Variants in TNRC6B observed in about 807,000 individuals in gnomAD.
The protein encoded by TNRC6B is trinucleotide repeat-containing gene 6B protein.
In TNRC6B, 52 loss-of-function variants were observed where a neutral mutation model predicts 203.6. That is an observed-to-expected ratio of 0.26 (90% confidence interval 0.20 to 0.32). The LOEUF is 0.32. Among genes scored for constraint, TNRC6B ranks in the 10% least tolerant of loss-of-function variants. The probability of loss-of-function intolerance (pLI) is 1.00; values close to 1 mark genes in which losing one functional copy is unlikely to be tolerated. For missense variants in TNRC6B, 1,923 were observed against 2,286.2 expected (o/e 0.84, Z 3.24); for synonymous variants, 838 against 845.7 (o/e 0.99, Z 0.16).
intron 1 of TNRC6B, among the ~76,000 whole-genome samples, chr22:40,071,448 C>A (rs146216984): frequency 1.6e-3 from 244 of 152,328 alleles, no homozygotes; most frequent in African/African-American, 5.6e-3. Context: ...TCTGGACCGA[C>A]TTTTCCTATT....
chr22:40,325,705 T>C lies in TNRC6B; in HGVS notation c.*2464T>C, dbSNP rs1316077236. The C allele has an allele frequency of 6.5e-6, 1 of 152,688 alleles. No individual in the cohort carries two copies. The highest frequency in any genetic ancestry group is 2.4e-5 in the African/African-American group (1 of 41,456). 9.5% of individuals were successfully genotyped at this position (152,688 alleles called of 1,614,324 possible). A position where few individuals can be genotyped will look rare whatever the true frequency, so the allele number is the denominator to read the frequency against. On this transcript the variant is annotated 3_prime_UTR_variant, in exon 23 of 23. Coordinates refer to ENST00000454349, the MANE Select transcript of TNRC6B (RefSeq NM_001162501.2). ...CCACCAGGTGAAGAGCAGCTTGTAT[T>C]CAGACATCTAGAGAAGGTTAAATCT...
chr22:40,281,675 T>A (rs1421706616), intron 11 of TNRC6B, among the ~76,000 whole-genome samples: 1 of 152,246 alleles, frequency 6.6e-6, no homozygotes, highest in Non-Finnish European at 1.5e-5. Flanking sequence ...TTAATAAACC[T>A]GCTAATTTAA....
rs574928968 is a variant in TNRC6B, at chr22:40,193,187, CAA to C, written c.5+15049_5+15050del. ...CATCCTGCTTCTTGTTGTCGCGTGG[CAA>C]AGTCTCCTCAAGGGTTTTTGGGTCT... On this transcript the variant is annotated intron_variant, in intron 1 of 22. Transcript: ENST00000454349. Among the ~76,000 whole-genome samples the C allele has an allele frequency of 2.0e-3, 306 of 152,270 alleles. 1 individual carries two copies. The highest frequency in any genetic ancestry group is 7.2e-3 in the African/African-American group (298 of 41,560).
intron 1 of TNRC6B, among the ~76,000 whole-genome samples, chr22:40,179,176 C>G (rs9619851): frequency 6.6e-6 from 1 of 152,134 alleles, no homozygotes; most frequent in African/African-American, 2.4e-5. Flanking sequence ...TCCATTACTC[C>G]TAATGCAGGA....
chr22:40,134,065 T>A (rs908039883), intron 3 of TNRC6B, among the ~76,000 whole-genome samples: 2 of 149,148 alleles, frequency 1.3e-5, no homozygotes, highest in African/African-American at 4.9e-5. Context: ...GTCTGTTACA[T>A]CACATCAAAA....
At chr22:40,283,199 C>T (rs1569053454) in intron 11 of TNRC6B, among the ~76,000 whole-genome samples, 2 of 152,060 alleles carry the variant, frequency 1.3e-5, no homozygotes, top group African/African-American at 2.4e-5. Context: ...CAACCACGCC[C>T]GGCTAATTTT....
At chr22:40,222,511 T>A (rs2069723633) in intron 1 of TNRC6B, among the ~76,000 whole-genome samples, 1 of 152,188 alleles carries the variant, frequency 6.6e-6, no homozygotes, top group African/African-American at 2.4e-5. Context: ...AGGTGGCCTT[T>A]CTTCTGAACT....
In TNRC6B at chr22:40,048,183, A is replaced by G. The variant is rs75061740; in HGVS notation, c.-121+3185A>G. On this transcript the variant is annotated intron_variant, in intron 1 of 23. Coordinates refer to the TNRC6B transcript ENST00000301923. ...TTCCCTTTCTTCACGTCTTCACTAC[A>G]CAGTCATTCTTTAAACTTTTGCAGC... 3.1e-3 allele frequency among the ~76,000 whole-genome samples: 467 copies of G among 152,238 alleles called. 4 individuals carry two copies. Among genetic ancestry groups the G allele is most frequent in the African/African-American group, 0.011 (451 of 41,536 alleles).
chr22:40,300,818 G>A, intron 13 of TNRC6B, 92 bp from the exon 14 acceptor site: 1 of 1,318,382 alleles, frequency 7.6e-7, no homozygotes, highest in Non-Finnish European at 1.1e-6. Flanking sequence ...TTGATTGTGT[G>A]ACCTGTACTT....
rs562489198 is a variant in TNRC6B at position 40,230,606 on chromosome 22, T to C, written c.6-15409T>C. On this transcript the variant is annotated intron_variant, in intron 1 of 22. Coordinates refer to ENST00000454349, the MANE Select transcript of TNRC6B (RefSeq NM_001162501.2). ...CATGCCCGGCCTCTTTTGCCCGGTT[T>C]TAAGATGGGGTTCTTTATATACTGT... Among the ~76,000 whole-genome samples, 10 of 152,260 alleles carry C rather than the reference T, an allele frequency of 6.6e-5. No homozygotes were observed. The South Asian group carries it at 1.9e-3, about 28-fold the overall frequency.
At chr22:40,100,324 A>C (rs2068227290) in intron 1 of TNRC6B, among the ~76,000 whole-genome samples, 1 of 150,078 alleles carries the variant, frequency 6.7e-6, no homozygotes, top group Non-Finnish European at 1.5e-5. Context: ...TTCTGGCCTC[A>C]AGTGATCCGC....
chr22:40,256,135 A>C (rs955527100), intron 3 of TNRC6B, among the ~76,000 whole-genome samples: 16 of 152,282 alleles, frequency 1.1e-4, no homozygotes, highest in South Asian at 2.1e-4. Flanking sequence ...AACATTGAGA[A>C]GTCTAAGATA....
intron 1 of TNRC6B, among the ~76,000 whole-genome samples, chr22:40,230,775 A>T (rs2069859349): frequency 6.6e-6 from 1 of 152,052 alleles, no homozygotes; most frequent in African/African-American, 2.4e-5. Flanking sequence ...TTCTTTTATG[A>T]ATCATGTTTT....
chr22:40,245,712 G>GTGTGTGTGTGTGTGTGTGTT (rs1601916433), intron 1 of TNRC6B, among the ~76,000 whole-genome samples: 1 of 28,978 alleles, frequency 3.5e-5, no homozygotes, highest in African/African-American at 4.5e-5. Flanking sequence ...GAAATTAATC[G>GTGTGTGTGTGTGTGTGTGTT]TGTGTGTGTG....
intron 1 of TNRC6B, among the ~76,000 whole-genome samples, chr22:40,112,246 G>A (rs1434209518): frequency 6.6e-6 from 1 of 152,220 alleles, no homozygotes; most frequent in East Asian, 1.9e-4. Flanking sequence ...CCAAGAGGTA[G>A]CAAAAGTACT....
At chr22:40,125,598 T>C (rs1233968133) in intron 2 of TNRC6B, among the ~76,000 whole-genome samples, 1 of 152,124 alleles carries the variant, frequency 6.6e-6, no homozygotes, top group Non-Finnish European at 1.5e-5. Context: ...CTTCTCTCCC[T>C]CCCTTTCTTA....
At chr22:40,045,122 CG>C (rs2067675426) in intron 1 of TNRC6B, 1 of 144,360 alleles carries the variant, frequency 6.9e-6, no homozygotes, top group Admixed American at 6.8e-5. Flanking sequence ...GGGCGGTGAG[CG>C]GAGGCGCGGC....
intron 9 of TNRC6B, 50 bp from the exon 10 acceptor site, chr22:40,279,945 G>C (rs779427858): frequency 1.9e-6 from 3 of 1,592,962 alleles, no homozygotes; most frequent in Non-Finnish European, 2.6e-6. Context: ...TTGGTTCATG[G>C]GGGAAACATT....
chr22:40,308,648 T>C lies in TNRC6B; in HGVS notation c.4257T>C (p.Asn1419=), dbSNP rs750763051. Residue 1419 remains asparagine, a splice_region_variant and synonymous_variant, in exon 16 of 23, where the codon AAT becomes AAC. Coordinates refer to ENST00000454349, the MANE Select transcript of TNRC6B (RefSeq NM_001162501.2). The stretch of plus-strand genomic sequence containing the variant: ...CACAGGAAGCCAATATGCACAAAAA[T>C]GGTAAGAGAAGCACTGAAAGCTAGA... ...VATQEANMHK[N]GAIVAPGKTR... is the part of the protein sequence containing the mutation. The C allele has an allele frequency of 1.9e-6, 3 of 1,611,098 alleles. No individual in the cohort carries two copies. Among genetic ancestry groups the C allele is most frequent in the East Asian group, 4.5e-5 (2 of 44,842 alleles).
Sources: gnomAD v4.1 joint callset for allele counts (sites outside exome capture counted in the v4.1 genomes callset) on GRCh38, gnomAD v4.1.1 for gene constraint, MANE v1.5 for transcripts, NCBI Gene and HGNC (gene_info 2026-07-23, HGNC 2026-07-21) for gene names.